The following EPDR1 variants were observed in gnomAD, a reference collection of about 807,000 sequenced individuals.
EPDR1 encodes the protein mammalian ependymin-related protein 1.
A neutral mutation model predicts 23.7 loss-of-function variants in EPDR1; 27 were observed. The ratio of observed to expected loss-of-function variants is 1.14; its 90% CI spans 0.84 to 1.57. The LOEUF is 1.57. Ranked by LOEUF, EPDR1 falls within the 40% of genes most tolerant of loss-of-function variation. The probability of loss-of-function intolerance (pLI) is 0.00; values close to 1 mark genes in which losing one functional copy is unlikely to be tolerated. For missense variants in EPDR1, 349 were observed against 290.4 expected, an observed-to-expected ratio of 1.20 and a Z score of -1.47; for synonymous variants, 137 against 118.2, an observed-to-expected ratio of 1.16 and a Z score of -1.03.
chr7:37,920,643 GA>G lies in EPDR1; in HGVS notation c.-293del, dbSNP rs750398146. On this transcript the variant is annotated 5_prime_UTR_variant, in exon 1 of 3. Transcript: ENST00000199448. ...TTTCCTGTTGGCAGCAGTGAGCAGT[GA>G]AAACCGAAGCGGCAGAAGGCAGTGG... 3.2e-6 allele frequency: 5 copies of G among 1,565,876 alleles called. No individual in the cohort carries two copies. Among genetic ancestry groups the G allele is most frequent in the Non-Finnish European group, 4.3e-6 (5 of 1,149,480 alleles).
chr7:37,921,284 G>T (rs1583659556), intron 1 of EPDR1, 76 bp downstream of exon 1: 4 of 1,494,996 alleles, frequency 2.7e-6, no homozygotes, highest in Non-Finnish European at 3.5e-6. Context: ...AGAGGCCTGC[G>T]CCCTGTAACT....
At chr7:37,948,180 A>G (rs1687769175) in intron 1 of EPDR1, among the ~76,000 whole-genome samples, 1 of 151,840 alleles carries the variant, frequency 6.6e-6, no homozygotes, top group Non-Finnish European at 1.5e-5. Context: ...TGCACCACAC[A>G]AGAGTCAAGT....
intron 1 of EPDR1, among the ~76,000 whole-genome samples, chr7:37,938,982 A>ATT (rs35030069): frequency 0.16 from 22,537 of 144,418 alleles, 2,131 homozygotes; most frequent in Non-Finnish European, 0.2. Context: ...GGCATGACCA[A>ATT]TTTTTTTTTT....
intron 1 of EPDR1, among the ~76,000 whole-genome samples, chr7:37,935,687 T>C (rs1786032449): frequency 6.6e-6 from 1 of 151,930 alleles, no homozygotes; most frequent in Non-Finnish European, 1.5e-5. Context: ...TTTTCCCTGC[T>C]TCTAGTAGGG....
chr7:37,944,249 T>G (rs1786227445), intron 1 of EPDR1, among the ~76,000 whole-genome samples: 1 of 152,216 alleles, frequency 6.6e-6, no homozygotes, highest in South Asian at 2.1e-4. Context: ...TTTAATCCTA[T>G]TCCATTTGCG....
At position 37,951,368 on chromosome 7, in the gene EPDR1, T is replaced by C. The variant is rs1312479710; in HGVS notation, c.*972T>C. On this transcript the variant is annotated 3_prime_UTR_variant, in exon 3 of 3. Transcript: ENST00000199448. Reference sequence around the variant, plus strand: ...CTGCATCTCCTTCCAGGTCAGCTCATTCACAAGAGTTGCTCCCAAGCCTGG... The same window carrying C: ...CTGCATCTCCTTCCAGGTCAGCTCACTCACAAGAGTTGCTCCCAAGCCTGG... 2 of 152,242 alleles carry C rather than the reference T, an allele frequency of 1.3e-5. No individual in the cohort carries two copies. The highest frequency in any genetic ancestry group is 4.8e-5 in the African/African-American group (2 of 41,454). The allele number at this position is 152,242 out of a possible 1,614,324, so 9.4% of individuals were successfully genotyped here. A position where few individuals can be genotyped will look rare whatever the true frequency, so the allele number is the denominator to read the frequency against.
chr7:37,944,558 A>G (rs1048958552), intron 1 of EPDR1, among the ~76,000 whole-genome samples: 9 of 152,224 alleles, frequency 5.9e-5, no homozygotes, highest in African/African-American at 1.9e-4. Flanking sequence ...GTGGCAGAAG[A>G]AGGAAGAGCA....
Position 37,950,262 on chromosome 7 carries a change from A to G in EPDR1, c.541A>G (p.Ile181Val), listed in dbSNP as rs1281884294. ...CTATCCTGTCCAGGAAACCTTTACCATAAACTACAGTGTGATATTGTCTAC... is the reference window on the plus strand; with the variant it reads ...CTATCCTGTCCAGGAAACCTTTACCGTAAACTACAGTGTGATATTGTCTAC... ...DCYPVQETFTINYSVILSTRF... is the reference protein window; with the variant it reads ...DCYPVQETFTVNYSVILSTRF... Residue 181 changes from isoleucine (I) to valine (V), a missense_variant, in exon 3 of 3, where the codon ATA (isoleucine) becomes GTA (valine). Ile to Val is a conservative substitution (Grantham distance 29). Coordinates refer to ENST00000199448, the MANE Select transcript of EPDR1 (RefSeq NM_017549.5). 1.9e-6 allele frequency: 3 copies of G among 1,614,154 alleles called. No homozygotes were observed. Among genetic ancestry groups the G allele is most frequent in the Non-Finnish European group, 2.5e-6 (3 of 1,180,030 alleles).
rs759137337 is a variant in EPDR1, at chr7:37,948,858, G to T, written c.288G>T (p.Leu96Phe). ...GTTTCAGATTATTTGAATATATTTTGCTGTATAAGGATGGAGTGATGTTTC... is the reference window on the plus strand; with the variant it reads ...GTTTCAGATTATTTGAATATATTTTTCTGTATAAGGATGGAGTGATGTTTC... ...IPCKRLFEYI[L>F]LYKDGVMFQI... Residue 96 changes from leucine to phenylalanine, a missense_variant, in exon 2 of 3, where the codon TTG (leucine) becomes TTT (phenylalanine). Leu to Phe is a conservative substitution (Grantham distance 22). Coordinates refer to ENST00000199448, the MANE Select transcript of EPDR1 (RefSeq NM_017549.5). The T allele has an allele frequency of 2.5e-6, 4 of 1,614,014 alleles. No homozygotes were observed. The highest frequency in any genetic ancestry group is 2.2e-5 in the East Asian group (1 of 44,874).
rs1256046495 is a variant in EPDR1, at chr7:37,945,603, T to C, written c.270-3237T>C. 2.6e-5 allele frequency among the ~76,000 whole-genome samples: 4 copies of C among 152,250 alleles called. No individual in the cohort carries two copies. The East Asian group carries it at 5.8e-4, about 22-fold the overall frequency. On this transcript the variant is annotated intron_variant, in intron 1 of 2. Coordinates refer to ENST00000199448, the MANE Select transcript of EPDR1 (RefSeq NM_017549.5). ...GCCTAGTGACCTCATAGCCATAGTA[T>C]GTGGTAGCGCAGTGCATTACTCACA...
At chr7:37,922,033 G>A (rs1785717268) in intron 1 of EPDR1, among the ~76,000 whole-genome samples, 2 of 152,146 alleles carry the variant, frequency 1.3e-5, no homozygotes, top group South Asian at 2.1e-4. Flanking sequence ...TCTCGCTTGT[G>A]GCCCCTTTAA....
In EPDR1 at chr7:37,950,289, C is replaced by A; in HGVS notation, c.568C>A (p.Arg190=). 6.2e-7 allele frequency: 1 copy of A among 1,614,066 alleles called. No individual in the cohort carries two copies. The highest frequency in any genetic ancestry group is 8.5e-7 in the Non-Finnish European group (1 of 1,179,984). Reference sequence around the variant, plus strand: ...AAACTACAGTGTGATATTGTCTACGCGGTTTTTTGACATCCAGCTGGGTAT... The same window carrying A: ...AAACTACAGTGTGATATTGTCTACGAGGTTTTTTGACATCCAGCTGGGTAT... ...TINYSVILST[R]FFDIQLGIKD... is the part of the protein sequence containing the mutation. The change falls in exon 3 of 3, where the codon CGG becomes AGG. Residue 190 remains arginine, a synonymous_variant. Transcript: ENST00000199448.
At chr7:37,931,406 C>T (rs1785935377) in intron 1 of EPDR1, among the ~76,000 whole-genome samples, 1 of 151,990 alleles carries the variant, frequency 6.6e-6, no homozygotes, top group South Asian at 2.1e-4. Flanking sequence ...CCCAGCTACC[C>T]AGGAGGCTGA....
intron 1 of EPDR1, among the ~76,000 whole-genome samples, chr7:37,934,241 G>T (rs928864291): frequency 6.6e-6 from 1 of 152,164 alleles, no homozygotes; most frequent in Admixed American, 6.5e-5. Flanking sequence ...CTCCCAAAGT[G>T]CTGGGATTAC....
At chr7:37,924,311 C>G (rs1036459259) in intron 1 of EPDR1, among the ~76,000 whole-genome samples, 3 of 152,190 alleles carry the variant, frequency 2.0e-5, no homozygotes, top group African/African-American at 7.2e-5. Flanking sequence ...ACAGGCCAGC[C>G]TGGGGTAAGG....
chr7:37,944,803 C>T (rs940609344), intron 1 of EPDR1, among the ~76,000 whole-genome samples: 1 of 152,190 alleles, frequency 6.6e-6, no homozygotes, highest in Non-Finnish European at 1.5e-5. Flanking sequence ...ATTAATGACA[C>T]TTCTGTGATC....
rs373699619 is a variant in EPDR1 at position 37,950,576 on chromosome 7, A to G, written c.*180A>G. On this transcript the variant is annotated 3_prime_UTR_variant, in exon 3 of 3. Coordinates refer to ENST00000199448, the MANE Select transcript of EPDR1 (RefSeq NM_017549.5). ...TGACTACTCAAGCTCTGTTTACAGA[A>G]GAAAATTGAATGGCGAGGGTGTGGC... The G allele has an allele frequency of 1.4e-5, 9 of 639,276 alleles. No individual in the cohort carries two copies. Among genetic ancestry groups the G allele is most frequent in the East Asian group, 2.8e-5 (1 of 36,084 alleles). 39.6% of individuals were successfully genotyped at this position (639,276 alleles called of 1,614,324 possible).
chr7:37,930,634 C>A (rs1471622959), intron 1 of EPDR1, among the ~76,000 whole-genome samples: 3 of 152,206 alleles, frequency 2.0e-5, no homozygotes, highest in African/African-American at 7.2e-5. Flanking sequence ...CTGGCTTACC[C>A]TTGGACCCCA....
In EPDR1 at chr7:37,921,057, C is replaced by T. The variant is rs767667698; in HGVS notation, c.118C>T (p.Arg40Cys). The T allele has an allele frequency of 2.4e-5, 37 of 1,546,386 alleles. No homozygotes were observed. Among genetic ancestry groups the T allele is most frequent in the Non-Finnish European group, 2.8e-5 (32 of 1,152,178 alleles). ...CAGCCTGGGGGCGGTGGGAGCCCCG[C>T]GCCCGTGCCAGGCGCCGCAGCAGTG... ...LCSLGAVGAP[R>C]PCQAPQQWEG... Residue 40 changes from arginine to cysteine, a missense_variant, in exon 1 of 3, where the codon CGC (arginine) becomes TGC (cysteine). Arg to Cys is a radical substitution (Grantham distance 180). Coordinates refer to ENST00000199448, the MANE Select transcript of EPDR1 (RefSeq NM_017549.5).
Sources: gnomAD v4.1 joint callset for allele counts (sites outside exome capture counted in the v4.1 genomes callset) on GRCh38, gnomAD v4.1.1 for gene constraint, MANE v1.5 for transcripts, NCBI Gene and HGNC (gene_info 2026-07-23, HGNC 2026-07-21) for gene names.